EIF4E: variants seen among roughly 807,000 people sequenced by gnomAD.
EIF4E encodes eukaryotic translation initiation factor 4E, also known as eIF-4F 25 kDa subunit.
For synonymous variants in EIF4E, 71 were observed against 88.5 expected, an observed-to-expected ratio of 0.80 and a Z score of 1.11; for missense variants, 113 against 265.6, an observed-to-expected ratio of 0.43 and a Z score of 3.99.
intron 2 of EIF4E, among the ~76,000 whole-genome samples, chr4:98,896,667 CAAAAAAAAAAAA>C (rs61329973): frequency 0.014 from 680 of 47,672 alleles, 8 homozygotes; most frequent in South Asian, 0.032. Context: ...ATGTCTCTTC[CAAAAAAAAAAAA>C]AAAAAAAAAA....
At chr4:98,883,917 T>C (rs1450866569) in intron 6 of EIF4E, among the ~76,000 whole-genome samples, 1 of 151,472 alleles carries the variant, frequency 6.6e-6, no homozygotes, top group African/African-American at 2.4e-5. Context: ...TACACACCTG[T>C]AGTTGCAGCT....
chr4:98,928,897 G>A, intron 1 of EIF4E, 198 bp downstream of exon 1: 1 of 1,556,810 alleles, frequency 6.4e-7, no homozygotes, highest in Non-Finnish European at 8.7e-7. Context: ...GCCCCCACCA[G>A]AAAGTGTGCG....
At chr4:98,923,447 A>G (rs940131821) in intron 1 of EIF4E, among the ~76,000 whole-genome samples, 11 of 151,934 alleles carry the variant, frequency 7.2e-5, no homozygotes, top group Non-Finnish European at 2.9e-5. Flanking sequence ...TCCTGAGGCT[A>G]GGACACAGGT....
chr4:98,901,396 A>G (rs1724642514), intron 2 of EIF4E, among the ~76,000 whole-genome samples: 1 of 151,996 alleles, frequency 6.6e-6, no homozygotes, highest in South Asian at 2.1e-4. Context: ...ACGGGGTTTC[A>G]CCATGTTGGC....
At position 98,881,081 on chromosome 4, in the gene EIF4E, C is replaced by T. The variant is rs200243582; in HGVS notation, c.601G>A (p.Ala201Thr). 5.2e-5 allele frequency: 84 copies of T among 1,612,064 alleles called. No individual in the cohort carries two copies. The Middle Eastern group carries it at 5.3e-3, about 101-fold the overall frequency. ...GAGCCGCTCTTAGTAGCTGTGTCTG[C>T]GTGGGACTGATAACCAATCACTATC... ...PKIVIGYQSHADTATKSGSTT... is the reference protein window; with the variant it reads ...PKIVIGYQSHTDTATKSGSTT... The change falls in exon 7 of 7, where the codon GCA (alanine) becomes ACA (threonine). Residue 201 changes from alanine to threonine, a missense_variant. Coordinates refer to ENST00000450253, the MANE Select transcript of EIF4E (RefSeq NM_001968.5).
At chr4:98,909,958 C>T in intron 1 of EIF4E, 1 of 507,364 alleles carries the variant, frequency 2.0e-6, no homozygotes, top group Admixed American at 3.8e-5. Flanking sequence ...CCTCACAGCA[C>T]CCTCAAATAT....
At chr4:98,901,040 C>T (rs1164282093) in intron 2 of EIF4E, among the ~76,000 whole-genome samples, 1 of 152,186 alleles carries the variant, frequency 6.6e-6, no homozygotes, top group Non-Finnish European at 1.5e-5. Flanking sequence ...TGGAACCTTA[C>T]TAAAAAACTT....
At chr4:98,922,659 T>A (rs183824061) in intron 1 of EIF4E, among the ~76,000 whole-genome samples, 1 of 152,204 alleles carries the variant, frequency 6.6e-6, no homozygotes, top group East Asian at 1.9e-4. Flanking sequence ...TAACGATCTT[T>A]CTACATTAAA....
intron 3 of EIF4E, among the ~76,000 whole-genome samples, chr4:98,889,774 A>C (rs185031232): frequency 3.5e-4 from 53 of 152,290 alleles, no homozygotes; most frequent in African/African-American, 1.3e-3. Flanking sequence ...GATAAATGCA[A>C]ATCTGATTGG....
intron 1 of EIF4E, among the ~76,000 whole-genome samples, chr4:98,914,993 G>T (rs566906783): frequency 1.3e-5 from 2 of 152,220 alleles, no homozygotes; most frequent in South Asian, 4.2e-4. Context: ...GCCCAGGCTG[G>T]AGTGCAGTGG....
chr4:98,891,362 G>A (rs1028850291), intron 2 of EIF4E, 30 bp from the exon 3 acceptor site: 1 of 1,585,954 alleles, frequency 6.3e-7, no homozygotes, highest in East Asian at 2.3e-5. Flanking sequence ...GTCAAAAAAT[G>A]GTAGCTGCAT....
At chr4:98,882,331 G>A (rs1723732619) in intron 6 of EIF4E, among the ~76,000 whole-genome samples, 1 of 148,228 alleles carries the variant, frequency 6.7e-6, no homozygotes, top group Admixed American at 6.8e-5. Context: ...GGCAGAGCTT[G>A]CAGTGAGCTT....
rs781023498 is a variant in EIF4E at position 98,881,082 on chromosome 4, G to A, written c.600C>T (p.His200=). The change falls in exon 7 of 7, where the codon CAC becomes CAT. Residue 200 remains histidine, a synonymous_variant. Transcript: ENST00000450253. ...PPKIVIGYQS[H]ADTATKSGST... ...AGCCGCTCTTAGTAGCTGTGTCTGCGTGGGACTGATAACCAATCACTATCT... is the reference window on the plus strand; with the variant it reads ...AGCCGCTCTTAGTAGCTGTGTCTGCATGGGACTGATAACCAATCACTATCT... 6.8e-6 allele frequency: 11 copies of A among 1,612,370 alleles called. No individual in the cohort carries two copies. The highest frequency in any genetic ancestry group is 3.3e-5 in the Admixed American group (2 of 59,874).
intron 1 of EIF4E, chr4:98,928,843 G>A: frequency 1.3e-6 from 2 of 1,533,792 alleles, no homozygotes; most frequent in African/African-American, 1.4e-5. Context: ...TTCCGCAGGA[G>A]GCGCCACGCC....
chr4:98,928,962 AG>A, intron 1 of EIF4E, 132 bp downstream of exon 1: 1 of 1,578,354 alleles, frequency 6.3e-7, no homozygotes, highest in Non-Finnish European at 8.6e-7. Context: ...GCGGGAGGTC[AG>A]GTCCAACATG....
chr4:98,879,809 A>G lies in EIF4E; in HGVS notation c.*1219T>C, dbSNP rs1217548239. The G allele has an allele frequency of 6.6e-6, 1 of 152,166 alleles. No individual in the cohort carries two copies. The highest frequency in any genetic ancestry group is 1.5e-5 in the Non-Finnish European group (1 of 68,002). The allele number at this position is 152,166 out of a possible 1,614,324, so 9.4% of individuals were successfully genotyped here. On this transcript the variant is annotated 3_prime_UTR_variant, in exon 7 of 7. Coordinates refer to ENST00000450253, the MANE Select transcript of EIF4E (RefSeq NM_001968.5). ...TATTAAGAGAGTACATTATTTACCT[A>G]AGACTGAATGACTGTGCCTTACTTT...
At chr4:98,884,522 G>A (rs1231967831) in intron 6 of EIF4E, among the ~76,000 whole-genome samples, 1 of 152,076 alleles carries the variant, frequency 6.6e-6, no homozygotes, top group Non-Finnish European at 1.5e-5. Flanking sequence ...TGGCCAACGT[G>A]GCAAAACCTG....
intron 3 of EIF4E, among the ~76,000 whole-genome samples, 196 bp from the exon 4 acceptor site, chr4:98,888,148 G>T (rs1466678386): frequency 6.6e-6 from 1 of 151,978 alleles, no homozygotes; most frequent in Non-Finnish European, 1.5e-5. Flanking sequence ...CAGATGACAG[G>T]TATAATTTTC....
At chr4:98,906,646 G>C (rs1381116300) in intron 1 of EIF4E, among the ~76,000 whole-genome samples, 1 of 152,136 alleles carries the variant, frequency 6.6e-6, no homozygotes, top group Non-Finnish European at 1.5e-5. Flanking sequence ...GGAGTTCTAA[G>C]GCTGCGGTGA....
Sources: allele counts gnomAD v4.1 joint callset (sites outside exome capture counted in the v4.1 genomes callset), GRCh38; gene constraint gnomAD v4.1.1; transcripts MANE v1.5; gene names NCBI Gene and HGNC (gene_info 2026-07-23, HGNC 2026-07-21).